The following KMT2C variants were observed in gnomAD, a reference collection of about 807,000 sequenced individuals.
The protein encoded by KMT2C is lysine methyltransferase 2C.
Under a neutral mutation model 507.9 loss-of-function variants are expected in KMT2C, and 88 were observed. The ratio of observed to expected loss-of-function variants is 0.17; its 90% CI spans 0.15 to 0.21. KMT2C has a LOEUF of 0.21. Among genes scored for constraint, KMT2C ranks in the 10% least tolerant of loss-of-function variants. The probability of loss-of-function intolerance (pLI) is 1.00; values close to 1 mark genes in which losing one functional copy is unlikely to be tolerated. For missense variants in KMT2C, 4,954 were observed against 5,957.8 expected (o/e 0.83, Z 5.55); for synonymous variants, 2,049 against 2,080.8 (o/e 0.98, Z 0.42).
At chr7:152,222,795 T>C (rs1344829207) in intron 20 of KMT2C, 113 bp from the exon 21 acceptor site, 1 of 656,436 alleles carries the variant, frequency 1.5e-6, no homozygotes, top group Non-Finnish European at 2.7e-6. Context: ...AAGCCTCACA[T>C]GCTCCTCCTA....
chr7:152,306,628 C>A (rs1433277423), intron 6 of KMT2C, among the ~76,000 whole-genome samples: 1 of 152,064 alleles, frequency 6.6e-6, no homozygotes, highest in Non-Finnish European at 1.5e-5. Flanking sequence ...AGCATAGATT[C>A]CTAGAATAAT....
intron 21 of KMT2C, 23 bp downstream of exon 21, chr7:152,222,550 C>T (rs776498137): frequency 4.7e-6 from 6 of 1,284,852 alleles, no homozygotes; most frequent in Non-Finnish European, 6.8e-6. Context: ...AGTGCAGACT[C>T]ACAGTTTAAA....
Position 152,163,163 on chromosome 7 carries a change from ACTG to A in KMT2C, c.10411_10413del (p.Gln3471del), listed in dbSNP as rs1327321927. 1 of 1,614,144 alleles carries A rather than the reference ACTG, an allele frequency of 6.2e-7. No homozygotes were observed. The highest frequency in any genetic ancestry group is 2.2e-5 in the East Asian group (1 of 44,884). On this transcript the variant is annotated inframe_deletion, in exon 43 of 59. Coordinates refer to ENST00000262189, the MANE Select transcript of KMT2C (RefSeq NM_170606.3). ...CCCATTTGCTGTTGGTGTTGTGGAGACTGCTGAAGGGGTCCTAGAGGTTGCATA... is the reference window on the plus strand; with the variant it reads ...CCCATTTGCTGTTGGTGTTGTGGAGACTGAAGGGGTCCTAGAGGTTGCATA...
intron 2 of KMT2C, 111 bp downstream of exon 2, chr7:152,358,476 G>GTA (rs1165351841): frequency 3.0e-6 from 2 of 665,540 alleles, no homozygotes; most frequent in Non-Finnish European, 5.0e-6. Context: ...TTAGAGTTCA[G>GTA]TATAAAAACA....
chr7:152,163,224 A>C lies in KMT2C; in HGVS notation c.10353T>G (p.Ile3451Met). 6.2e-7 allele frequency: 1 copy of C among 1,614,144 alleles called. No individual in the cohort carries two copies. Among genetic ancestry groups the C allele is most frequent in the Non-Finnish European group, 8.5e-7 (1 of 1,180,014 alleles). ...ISSSRTSVSQ[I>M]PFYSSDLPCD... ...AAGGTAAGTCGGAACTGTAGAAGGG[A>C]ATCTGGGACACAGATGTCCTACTAC... The change falls in exon 43 of 59, where the codon ATT (isoleucine) becomes ATG (methionine). Residue 3451 changes from isoleucine (I) to methionine (M), a missense_variant. Around this residue, in one of 29 missense-constraint regions of KMT2C, gnomAD observed 801 missense variants for 751.2 expected, o/e 1.07. Transcript: ENST00000262189.
intron 28 of KMT2C, chr7:152,195,663 C>G (rs1020623409): frequency 4.0e-6 from 2 of 499,692 alleles, no homozygotes; most frequent in African/African-American, 4.2e-5. Context: ...TACAGCAAGA[C>G]TTTAAGGCAA....
At chr7:152,170,958 C>T (rs183583637) in intron 40 of KMT2C, among the ~76,000 whole-genome samples, 2 of 152,174 alleles carry the variant, frequency 1.3e-5, no homozygotes, top group African/African-American at 4.8e-5. Context: ...ACTTTTTACC[C>T]GTAAGTATAT....
chr7:152,429,821 T>C (rs2097850398), intron 1 of KMT2C, among the ~76,000 whole-genome samples: 2 of 151,338 alleles, frequency 1.3e-5, no homozygotes, highest in Non-Finnish European at 2.9e-5. Context: ...GCCCAGCCTT[T>C]CTATTACATT....
intron 14 of KMT2C, among the ~76,000 whole-genome samples, chr7:152,246,540 T>G (rs992758490): frequency 6.6e-6 from 1 of 152,020 alleles, no homozygotes; most frequent in Non-Finnish European, 1.5e-5. Context: ...GAAGGAGAGA[T>G]AAGTAAAATT....
chr7:152,242,246 T>C (rs112681110), intron 14 of KMT2C, among the ~76,000 whole-genome samples: 12 of 152,300 alleles, frequency 7.9e-5, no homozygotes, highest in South Asian at 6.2e-4. Context: ...TCAGCACTTA[T>C]TGAACTTTTT....
chr7:152,225,580 C>G (rs1250517735), intron 18 of KMT2C, among the ~76,000 whole-genome samples: 1 of 152,198 alleles, frequency 6.6e-6, no homozygotes. Flanking sequence ...CTCCCTCATT[C>G]TCCTTTCTAA....
intron 22 of KMT2C, 109 bp from the exon 23 acceptor site, chr7:152,220,844 G>A: frequency 1.4e-6 from 1 of 736,080 alleles, no homozygotes. Flanking sequence ...GTTCTAGAAA[G>A]CAATTACGTA....
intron 7 of KMT2C, among the ~76,000 whole-genome samples, chr7:152,269,700 C>T (rs1411477948): frequency 6.6e-6 from 1 of 152,142 alleles, no homozygotes; most frequent in African/African-American, 2.4e-5. Context: ...AACTTTACTA[C>T]TGATCAATGA....
chr7:152,395,418 T>C (rs1022220537), intron 1 of KMT2C, among the ~76,000 whole-genome samples: 17 of 152,080 alleles, frequency 1.1e-4, no homozygotes, highest in African/African-American at 4.1e-4. Context: ...CGAACTCCTG[T>C]GCTTAAGTGA....
intron 1 of KMT2C, among the ~76,000 whole-genome samples, chr7:152,381,068 T>C (rs2097369653): frequency 6.6e-6 from 1 of 152,278 alleles, no homozygotes. Flanking sequence ...CTAAAACAGA[T>C]GTTCAATGGA....
At chr7:152,294,942 C>T (rs937364685) in intron 6 of KMT2C, among the ~76,000 whole-genome samples, 2 of 152,178 alleles carry the variant, frequency 1.3e-5, no homozygotes, top group African/African-American at 4.8e-5. Context: ...TTTGCCACCA[C>T]TGCTAGTTAG....
At chr7:152,385,871 T>C (rs2097421733) in intron 1 of KMT2C, among the ~76,000 whole-genome samples, 1 of 151,702 alleles carries the variant, frequency 6.6e-6, no homozygotes, top group Non-Finnish European at 1.5e-5. Context: ...GTGAATCACC[T>C]GAGGTCAGGA....
intron 1 of KMT2C, among the ~76,000 whole-genome samples, chr7:152,393,667 A>T (rs2097518213): frequency 6.6e-6 from 1 of 152,162 alleles, no homozygotes; most frequent in Non-Finnish European, 1.5e-5. Context: ...TAATCCCAAC[A>T]CTTTGGGAGG....
In KMT2C at chr7:152,162,479, C is replaced by T. The variant is rs141417345; in HGVS notation, c.11098G>A (p.Ala3700Thr). 4 of 1,614,244 alleles carry T rather than the reference C, an allele frequency of 2.5e-6. No homozygotes were observed. In the East Asian group the frequency reaches 6.7e-5, roughly 27 times the overall value. The change falls in exon 43 of 59, where the codon GCA (alanine) becomes ACA (threonine). Residue 3700 changes from alanine (A) to threonine (T), a missense_variant. Coordinates refer to ENST00000262189, the MANE Select transcript of KMT2C (RefSeq NM_170606.3). ...GAGAGCTTGTCTACTTCTGAATTTG[C>T]ATACGTCTGTTGATTTGGAGTTGCT... is the stretch of plus-strand genomic sequence containing the variant. The part of the protein sequence containing the change: ...SQATPNQQTY[A>T]NSEVDKLSME...
Sources: gnomAD v4.1 joint callset for allele counts (sites outside exome capture counted in the v4.1 genomes callset) on GRCh38, gnomAD v4.1.1 for gene constraint, gnomAD v4.1.1 regional missense constraint, MANE v1.5 for transcripts, NCBI Gene and HGNC (gene_info 2026-07-23, HGNC 2026-07-21) for gene names.